Variants in RALYL observed in about 807,000 individuals in gnomAD.
The protein encoded by RALYL is RALY RNA binding protein like, also known as RNA-binding Raly-like protein.
RALYL carries 29 observed loss-of-function variants against 35.1 expected under a neutral mutation model. The ratio of observed to expected loss-of-function variants is 0.83; its 90% CI spans 0.61 to 1.13. The LOEUF (loss-of-function observed/expected upper bound fraction) is 1.13, where lower values mean the gene tolerates loss of function less well. Ranked by LOEUF, RALYL falls within the 50% of genes most tolerant of loss-of-function variation. RALYL has a pLI of 0.00. For missense variants in RALYL, 359 were observed against 360.4 expected (o/e 1.00, Z 0.03); for synonymous variants, 120 against 127.6 (o/e 0.94, Z 0.40).
chr8:84,201,838 A>AT (rs1816921303), intron 1 of RALYL, among the ~76,000 whole-genome samples: 1 of 152,154 alleles, frequency 6.6e-6, no homozygotes. Context: ...AAGCACTGGT[A>AT]TAAAAAGTGT....
At chr8:84,523,496 G>T (rs935323558) in intron 1 of RALYL, among the ~76,000 whole-genome samples, 8 of 151,540 alleles carry the variant, frequency 5.3e-5, no homozygotes, top group African/African-American at 1.9e-4. Context: ...TTCTGTTGTT[G>T]TTTTTTATTT....
chr8:84,359,670 T>C (rs1375659344), intron 1 of RALYL, among the ~76,000 whole-genome samples: 1 of 152,060 alleles, frequency 6.6e-6, no homozygotes, highest in East Asian at 1.9e-4. Context: ...GCTTTTAAAA[T>C]CTGAATTAAC....
intron 2 of RALYL, among the ~76,000 whole-genome samples, chr8:84,613,365 C>A (rs974284586): frequency 2.6e-5 from 4 of 151,518 alleles, no homozygotes; most frequent in African/African-American, 9.7e-5. Flanking sequence ...TAAACATAAT[C>A]ACAAAATTTG....
intron 2 of RALYL, among the ~76,000 whole-genome samples, chr8:84,733,794 G>T (rs2132906608): frequency 6.6e-6 from 1 of 152,274 alleles, no homozygotes; most frequent in East Asian, 1.9e-4. Context: ...GATCACTGGT[G>T]AATGGTGGTT....
intron 2 of RALYL, among the ~76,000 whole-genome samples, chr8:84,667,871 G>A (rs1832397292): frequency 6.6e-6 from 1 of 152,102 alleles, no homozygotes; most frequent in Non-Finnish European, 1.5e-5. Context: ...AAACTTACCT[G>A]GAGTTATATA....
At chr8:84,514,568 G>A (rs1167046730) in intron 1 of RALYL, among the ~76,000 whole-genome samples, 1 of 152,124 alleles carries the variant, frequency 6.6e-6, no homozygotes, top group Non-Finnish European at 1.5e-5. Flanking sequence ...AAAGGGTCTA[G>A]TTTGTTCCTT....
Position 84,532,899 on chromosome 8 carries a change from C to T in RALYL, c.256+3322C>T, listed in dbSNP as rs150439742. 2.1e-3 allele frequency among the ~76,000 whole-genome samples: 327 copies of T among 152,106 alleles called. 3 individuals carry two copies. Among genetic ancestry groups the T allele is most frequent in the African/African-American group, 7.1e-3 (294 of 41,528 alleles). ...CTTATACATTTCCAGTTGTTTGGCA[C>T]GTCTTTCGCACCATGATAGAGGGTA... On this transcript the variant is annotated intron_variant, in intron 2 of 8. Coordinates refer to ENST00000521268, the MANE Select transcript of RALYL (RefSeq NM_173848.7).
At chr8:84,230,730 C>T (rs748408990) in intron 1 of RALYL, among the ~76,000 whole-genome samples, 10 of 152,160 alleles carry the variant, frequency 6.6e-5, no homozygotes, top group Non-Finnish European at 2.9e-5. Flanking sequence ...AAGCATTGTG[C>T]TAAGTCCTTT....
At position 84,574,919 on chromosome 8, in the gene RALYL, G is replaced by A. The variant is rs913077178; in HGVS notation, c.256+45342G>A. 2.6e-5 allele frequency among the ~76,000 whole-genome samples: 4 copies of A among 152,004 alleles called. No individual in the cohort carries two copies. The East Asian group carries it at 7.7e-4, about 29-fold the overall frequency. The stretch of plus-strand genomic sequence containing the variant: ...TTTTTGTCTATAATTTTTAAAAATA[G>A]TTGTTTACGTGACATATAAGGTAAA... On this transcript the variant is annotated intron_variant, in intron 2 of 8. Transcript: ENST00000521268.
At chr8:84,588,774 GGAAAGGAACAGCAGTTAACT>G in intron 2 of RALYL, among the ~76,000 whole-genome samples, 1 of 152,290 alleles carries the variant, frequency 6.6e-6, no homozygotes, top group Non-Finnish European at 1.5e-5. Flanking sequence ...TCAAATGGAG[GGAAAGGAACAGCAGTTAACT>G]GAATGTAAAT....
intron 1 of RALYL, among the ~76,000 whole-genome samples, chr8:84,504,048 T>A (rs914383235): frequency 2.0e-5 from 3 of 151,956 alleles, no homozygotes; most frequent in Admixed American, 1.3e-4. Flanking sequence ...TCCTTGCAGA[T>A]GAAAGTCACC....
chr8:84,579,360 T>C (rs932836031), intron 2 of RALYL, among the ~76,000 whole-genome samples: 8 of 152,088 alleles, frequency 5.3e-5, no homozygotes, highest in African/African-American at 1.9e-4. Flanking sequence ...CTTCCTGGAT[T>C]CCCAAGAGTG....
At chr8:84,686,743 T>C (rs2132077071) in intron 2 of RALYL, among the ~76,000 whole-genome samples, 1 of 152,168 alleles carries the variant, frequency 6.6e-6, no homozygotes, top group South Asian at 2.1e-4. Flanking sequence ...ATCAAACATA[T>C]TTTCATCATC....
intron 2 of RALYL, among the ~76,000 whole-genome samples, chr8:84,732,951 C>T (rs779332498): frequency 8.6e-5 from 13 of 151,966 alleles, no homozygotes; most frequent in Non-Finnish European, 1.5e-4. Context: ...CCACCTCAGC[C>T]TCCCAAAGTG....
At chr8:84,671,269 C>A (rs1335770547) in intron 2 of RALYL, among the ~76,000 whole-genome samples, 1 of 152,186 alleles carries the variant, frequency 6.6e-6, no homozygotes, top group Non-Finnish European at 1.5e-5. Context: ...GCCCTCCCTG[C>A]TGGCTGCTGT....
intron 6 of RALYL, among the ~76,000 whole-genome samples, chr8:84,864,379 T>C (rs1191499102): frequency 1.3e-5 from 2 of 152,190 alleles, no homozygotes; most frequent in Non-Finnish European, 2.9e-5. Flanking sequence ...TGGAAAGATA[T>C]AGATAAGCAA....
chr8:84,726,025 T>C (rs1358490198), intron 2 of RALYL, among the ~76,000 whole-genome samples: 1 of 151,196 alleles, frequency 6.6e-6, no homozygotes, highest in African/African-American at 2.4e-5. Flanking sequence ...TTTACAAAAA[T>C]TTAAGGCAAC....
chr8:84,432,297 G>A (rs1214157885), intron 1 of RALYL, among the ~76,000 whole-genome samples: 2 of 152,082 alleles, frequency 1.3e-5, no homozygotes, highest in African/African-American at 4.8e-5. Context: ...AAGTACTGCA[G>A]TATTTCACTT....
intron 2 of RALYL, among the ~76,000 whole-genome samples, chr8:84,639,923 C>A (rs1204469732): frequency 6.6e-6 from 1 of 151,954 alleles, no homozygotes; most frequent in Non-Finnish European, 1.5e-5. Context: ...GTGCATTTAG[C>A]TACTGTGATG....
Sources: gnomAD v4.1 joint callset for allele counts (sites outside exome capture counted in the v4.1 genomes callset) on GRCh38, gnomAD v4.1.1 for gene constraint, MANE v1.5 for transcripts, NCBI Gene and HGNC (gene_info 2026-07-23, HGNC 2026-07-21) for gene names.